HIVEP1: variants seen among roughly 807,000 people sequenced by gnomAD.
The protein encoded by HIVEP1 is HIVEP zinc finger 1, also known as zinc finger protein 40.
In HIVEP1, 36 loss-of-function variants were observed where a neutral mutation model predicts 180.0. That is an observed-to-expected ratio of 0.20 (90% confidence interval 0.15 to 0.26). The LOEUF is 0.26. Ranked by LOEUF, HIVEP1 falls within the 10% of genes least tolerant of loss-of-function variation. The pLI, the probability that HIVEP1 is intolerant of heterozygous loss-of-function variation, is 1.00. For synonymous variants in HIVEP1, 1,239 were observed against 1,239.0 expected (o/e 1.00, Z 0.00); for missense variants, 3,143 against 3,268.7 (o/e 0.96, Z 0.94).
At chr6:12,111,743 T>C (rs1205457131) in intron 3 of HIVEP1, among the ~76,000 whole-genome samples, 4 of 152,240 alleles carry the variant, frequency 2.6e-5, no homozygotes, top group South Asian at 4.1e-4. Flanking sequence ...TCCATTGTTA[T>C]GGGATTGTGT....
At chr6:12,090,001 C>T (rs1773367408) in intron 3 of HIVEP1, among the ~76,000 whole-genome samples, 1 of 151,840 alleles carries the variant, frequency 6.6e-6, no homozygotes, top group Non-Finnish European at 1.5e-5. Context: ...ATTATTTCAC[C>T]AGCTGCAATG....
chr6:12,204,909 T>C, the HIVEP1 span, among the ~76,000 whole-genome samples: 1 of 152,172 alleles, frequency 6.6e-6, no homozygotes, highest in Non-Finnish European at 1.5e-5. Context: ...AAAAATGTAA[T>C]GACACGGGGG....
downstream of HIVEP1, among the ~76,000 whole-genome samples, chr6:12,167,665 C>CATGTT (rs1562023726): frequency 4.0e-4 from 32 of 79,082 alleles, no homozygotes; most frequent in African/African-American, 1.7e-3. Flanking sequence ...GTTATATATA[C>CATGTT]ATATATACAT....
intron 6 of HIVEP1, among the ~76,000 whole-genome samples, 170 bp from the exon 7 acceptor site, chr6:12,135,621 G>A (rs1758659507): frequency 6.6e-6 from 1 of 152,152 alleles, no homozygotes. Flanking sequence ...TAAATAACAA[G>A]GTATTAGAAC....
At chr6:12,165,003 T>C (rs1760659649), downstream of HIVEP1, 1 of 386,192 alleles carries the variant, frequency 2.6e-6, no homozygotes, top group Non-Finnish European at 5.0e-6. Flanking sequence ...GACTTTACCA[T>C]TGCTTCAGTT....
rs766274300 is a variant in HIVEP1 at position 12,161,682 on chromosome 6, A to G, written c.6731A>G (p.Asp2244Gly). ...ITDCFSGVHT[D>G]PMDVLPRALL... ...GATTGCTTTTCTGGGGTACACACGG[A>G]CCCAATGGACGTTCTGCCCAGGGCG... is the stretch of plus-strand genomic sequence containing the variant. The change falls in exon 8 of 9, where the codon GAC (aspartate) becomes GGC (glycine). Residue 2244 changes from aspartate to glycine, a missense_variant. This residue lies in a region of HIVEP1 where 595 missense variants were observed against 602.2 expected (regional missense o/e 0.99). Coordinates refer to ENST00000379388, the MANE Select transcript of HIVEP1 (RefSeq NM_002114.4). 6.2e-7 allele frequency: 1 copy of G among 1,614,126 alleles called. No homozygotes were observed. The highest frequency in any genetic ancestry group is 8.5e-7 in the Non-Finnish European group (1 of 1,180,028).
At chr6:12,097,470 C>G (rs79874008) in intron 3 of HIVEP1, among the ~76,000 whole-genome samples, 1,754 of 152,164 alleles carry the variant, frequency 0.012, 32 homozygotes, top group African/African-American at 0.04. Flanking sequence ...CAGTGCCTAA[C>G]AAATTTCCCT....
At position 12,120,910 on chromosome 6, in the gene HIVEP1, C is replaced by T. The variant is rs755863914; in HGVS notation, c.1115C>T (p.Pro372Leu). 12 of 1,614,154 alleles carry T rather than the reference C, an allele frequency of 7.4e-6. No homozygotes were observed. The Admixed American group carries it at 1.8e-4, about 25-fold the overall frequency. ...AATTCTACACAGTCGCCCCCCATGC[C>T]AATCTATAATTCAACTCATGTTGCC... Reference protein sequence around the residue: ...PANSTQSPPMPIYNSTHVASV... With the variant: ...PANSTQSPPMLIYNSTHVASV... Residue 372 changes from proline to leucine, a missense_variant, in exon 4 of 9, where the codon CCA becomes CTA. This residue lies in a region of HIVEP1 where 306 missense variants were observed against 310.6 expected (regional missense o/e 0.99). Transcript: ENST00000379388.
chr6:12,111,635 C>T (rs962422110), intron 3 of HIVEP1, among the ~76,000 whole-genome samples: 7 of 152,240 alleles, frequency 4.6e-5, no homozygotes, highest in African/African-American at 1.2e-4. Flanking sequence ...TCTCTTTCTC[C>T]GTCTTGAAAG....
At chr6:12,151,035 G>T (rs1347037017) in intron 7 of HIVEP1, among the ~76,000 whole-genome samples, 2 of 152,166 alleles carry the variant, frequency 1.3e-5, no homozygotes, top group African/African-American at 4.8e-5. Context: ...TCACTGTCTG[G>T]CAGCAGTGGG....
intron 7 of HIVEP1, among the ~76,000 whole-genome samples, chr6:12,146,718 A>G (rs1022501168): frequency 3.3e-5 from 5 of 151,812 alleles, no homozygotes; most frequent in South Asian, 2.1e-4. Context: ...GTTGATAAAG[A>G]TCTGTTCTGT....
At chr6:12,211,187 C>T in the HIVEP1 span, among the ~76,000 whole-genome samples, 1 of 140,042 alleles carries the variant, frequency 7.1e-6, no homozygotes, top group Non-Finnish European at 1.5e-5. Context: ...ATCACGAGGT[C>T]AGGAGATTGA....
chr6:12,130,938 T>C lies in HIVEP1; in HGVS notation c.6381T>C (p.Thr2127=), dbSNP rs759822530. ...HCTYCNFSFK[T]KGNLTKHMKS... ...CTTACTGTAACTTCTCCTTTAAGAC[T>C]AAAGGTATGAGATGCACATTGCTTC... The change falls in exon 6 of 9, where the codon ACT becomes ACC. Residue 2127 remains threonine, a synonymous_variant. Transcript: ENST00000379388. The C allele has an allele frequency of 3.7e-6, 6 of 1,602,562 alleles. No homozygotes were observed. Among genetic ancestry groups the C allele is most frequent in the Middle Eastern group, 3.3e-4 (2 of 6,000 alleles).
downstream of HIVEP1, chr6:12,165,033 C>G: frequency 2.2e-6 from 1 of 452,404 alleles, no homozygotes; most frequent in Non-Finnish European, 4.3e-6. Context: ...TTATATCATC[C>G]AGTGATCAGT....
chr6:12,210,649 C>T, the HIVEP1 span, among the ~76,000 whole-genome samples: 4 of 152,140 alleles, frequency 2.6e-5, no homozygotes, highest in South Asian at 4.1e-4. Flanking sequence ...TTGGAGACAG[C>T]GTCTGGGGAC....
chr6:12,087,200 C>A (rs1170514378), intron 2 of HIVEP1, among the ~76,000 whole-genome samples: 1 of 151,942 alleles, frequency 6.6e-6, no homozygotes, highest in Non-Finnish European at 1.5e-5. Flanking sequence ...AAAGCAGAGA[C>A]TAGTATTTTG....
At chr6:12,178,436 GT>G in the HIVEP1 span, among the ~76,000 whole-genome samples, 1 of 152,088 alleles carries the variant, frequency 6.6e-6, no homozygotes, top group South Asian at 2.1e-4. Context: ...AAAAATATTT[GT>G]TTAAATGTAA....
chr6:12,161,212 C>T (rs1760372807), intron 7 of HIVEP1, among the ~76,000 whole-genome samples: 1 of 152,184 alleles, frequency 6.6e-6, no homozygotes, highest in African/African-American at 2.4e-5. Context: ...TCCCATTCCT[C>T]GTCCCTGACC....
Position 12,121,919 on chromosome 6 carries a change from A to T in HIVEP1, c.2124A>T (p.Gly708=). 6.2e-7 allele frequency: 1 copy of T among 1,614,122 alleles called. No homozygotes were observed. Among genetic ancestry groups the T allele is most frequent in the South Asian group, 1.1e-5 (1 of 91,086 alleles). Residue 708 remains glycine (G), a synonymous_variant, in exon 4 of 9, where the codon GGA becomes GGT. Transcript: ENST00000379388. The surrounding 1 kb of genome is among the most constrained non-coding windows in gnomAD (Gnocchi z 5.3). ...AACAAGACTCTGGAAGGAGTAACGG[A>T]CCCTCTGCAGCTCTTGTCACCACGT... The part of the protein sequence containing the change: ...STEQDSGRSN[G]PSAALVTTST...
Sources: gnomAD v4.1 joint callset for allele counts (sites outside exome capture counted in the v4.1 genomes callset) on GRCh38, gnomAD v4.1.1 for gene constraint, gnomAD v4.1.1 regional missense constraint, Gnocchi (gnomAD v3.1) non-coding constraint, MANE v1.5 for transcripts, NCBI Gene and HGNC (gene_info 2026-07-23, HGNC 2026-07-21) for gene names.